Variants in HOMER2 observed in about 807,000 individuals in gnomAD.
The protein encoded by HOMER2 is homer scaffold protein 2.
HOMER2 carries 27 observed loss-of-function variants against 47.0 expected under a neutral mutation model. The ratio of observed to expected loss-of-function variants is 0.57; its 90% CI spans 0.42 to 0.79. The LOEUF (loss-of-function observed/expected upper bound fraction) is 0.79, where lower values mean the gene tolerates loss of function less well. HOMER2 is among the 30% of genes least tolerant of loss of function. HOMER2 has a pLI of 0.00. For synonymous variants in HOMER2, 161 were observed against 163.8 expected (o/e 0.98, Z 0.13); for missense variants, 443 against 435.0 (o/e 1.02, Z -0.16).
At chr15:82,842,745 G>A (rs1432391021) in exon 2 of HOMER2, 2 of 152,106 alleles carry the variant, frequency 1.3e-5, no homozygotes, top group Non-Finnish European at 2.9e-5. Context: ...AGAGTTCACA[G>A]CACACTCAAG....
intron 3 of HOMER2, among the ~76,000 whole-genome samples, chr15:82,870,027 G>A (rs545334101): frequency 6.6e-6 from 1 of 152,114 alleles, no homozygotes; most frequent in South Asian, 2.1e-4. Context: ...TCATTTTTTG[G>A]TACTTATTAA....
At chr15:82,952,056 T>C (rs2054517747) in intron 1 of HOMER2, 1 of 984,034 alleles carries the variant, frequency 1.0e-6, no homozygotes, top group Non-Finnish European at 1.2e-6. Context: ...TCAAAGCAGA[T>C]CCAAAGTCCA....
At position 82,854,732 on chromosome 15, in the gene HOMER2, G is replaced by A. The variant is rs769045337; in HGVS notation, c.563C>T (p.Thr188Ile). 6.2e-6 allele frequency: 10 copies of A among 1,612,624 alleles called. No individual in the cohort carries two copies. Among genetic ancestry groups the A allele is most frequent in the Non-Finnish European group, 8.5e-6 (10 of 1,179,884 alleles). ...ACTGGCTGCCGACTCCTGCAGTGCT[G>A]TGGTCAGCCGTGCATTGCTCTCCCG... ...TLRESNARLT[T>I]ALQESAASVE... is the part of the protein sequence containing the mutation. The change falls in exon 6 of 9, where the codon ACA becomes ATA. Residue 188 changes from threonine to isoleucine, a missense_variant. Physicochemically the swap from Thr to Ile is moderately conservative, Grantham distance 89 (BLOSUM62 -1). Coordinates refer to ENST00000450735, the MANE Select transcript of HOMER2 (RefSeq NM_004839.4).
At chr15:82,889,504 T>C (rs921762779) in intron 2 of HOMER2, among the ~76,000 whole-genome samples, 1 of 152,092 alleles carries the variant, frequency 6.6e-6, no homozygotes, top group African/African-American at 2.4e-5. Flanking sequence ...CAAGAGCCCA[T>C]AAGGAGAAGG....
chr15:82,861,974 G>C (rs1349946388), intron 4 of HOMER2, among the ~76,000 whole-genome samples: 1 of 152,178 alleles, frequency 6.6e-6, no homozygotes, highest in African/African-American at 2.4e-5. Context: ...AGTGAGCAGA[G>C]GTTGCAGCAA....
chr15:82,909,309 C>T (rs2053384662), intron 1 of HOMER2, among the ~76,000 whole-genome samples: 1 of 152,184 alleles, frequency 6.6e-6, no homozygotes, highest in South Asian at 2.1e-4. Context: ...GGCGAGAGCA[C>T]ACTCGACAAG....
chr15:82,850,566 T>C (rs1399032299), intron 8 of HOMER2, among the ~76,000 whole-genome samples: 1 of 152,242 alleles, frequency 6.6e-6, no homozygotes, highest in Non-Finnish European at 1.5e-5. Context: ...TAACTCTTCA[T>C]ATCAAATAAG....
At chr15:82,972,849 A>T (rs1202996989) in intron 1 of HOMER2, among the ~76,000 whole-genome samples, 1 of 152,212 alleles carries the variant, frequency 6.6e-6, no homozygotes, top group East Asian at 1.9e-4. Context: ...TGGAGGTAAA[A>T]GTTGTATCTG....
At chr15:82,974,290 G>A (rs1030385887) in intron 1 of HOMER2, among the ~76,000 whole-genome samples, 3 of 151,848 alleles carry the variant, frequency 2.0e-5, no homozygotes. Flanking sequence ...TGTAGTCCCA[G>A]CCACTCGGGA....
intron 1 of HOMER2, among the ~76,000 whole-genome samples, chr15:82,966,401 G>A (rs926476499): frequency 6.6e-6 from 1 of 152,106 alleles, no homozygotes; most frequent in African/African-American, 2.4e-5. Flanking sequence ...AATAAAAGGG[G>A]GGGAAAGAAA....
upstream of HOMER2, among the ~76,000 whole-genome samples, chr15:82,957,398 G>T (rs2151248286): frequency 6.6e-6 from 1 of 152,208 alleles, no homozygotes; most frequent in South Asian, 2.1e-4. Context: ...GGCTATAATG[G>T]TGGAACTAGG....
chr15:82,970,272 G>A (rs746196822), intron 1 of HOMER2, among the ~76,000 whole-genome samples: 2 of 152,214 alleles, frequency 1.3e-5, no homozygotes, highest in Non-Finnish European at 2.9e-5. Context: ...ATCTAGATCA[G>A]CAGATAATTT....
chr15:82,966,517 A>G (rs2054676769), intron 1 of HOMER2, among the ~76,000 whole-genome samples: 1 of 152,200 alleles, frequency 6.6e-6, no homozygotes, highest in Non-Finnish European at 1.5e-5. Context: ...AACCTAGGAT[A>G]CTAGTTTGGA....
intron 1 of HOMER2, among the ~76,000 whole-genome samples, chr15:82,924,879 C>A (rs2053819028): frequency 6.6e-6 from 1 of 152,210 alleles, no homozygotes; most frequent in African/African-American, 2.4e-5. Flanking sequence ...TGACAGTCAC[C>A]TAAGCCCAAC....
upstream of HOMER2, among the ~76,000 whole-genome samples, chr15:82,954,582 C>A (rs2151246093): frequency 6.6e-6 from 1 of 151,968 alleles, no homozygotes; most frequent in East Asian, 1.9e-4. Flanking sequence ...AGCCACCGTG[C>A]CTGGCCGAGT....
At chr15:82,958,413 G>C (rs1044725057) in exon 2 of HOMER2, 1 of 152,324 alleles carries the variant, frequency 6.6e-6, no homozygotes, top group Admixed American at 6.5e-5. Flanking sequence ...TCAACAGTGT[G>C]GTAGGAAGTG....
At chr15:82,974,738 C>T (rs552515436) in intron 1 of HOMER2, among the ~76,000 whole-genome samples, 30 of 152,098 alleles carry the variant, frequency 2.0e-4, no homozygotes, top group Non-Finnish European at 3.5e-4. Flanking sequence ...GAATTAGGAC[C>T]CACTGTGAGC....
chr15:82,879,832 C>T (rs73446957), intron 2 of HOMER2, among the ~76,000 whole-genome samples: 7,066 of 152,150 alleles, frequency 0.046, 525 homozygotes, highest in African/African-American at 0.16. Context: ...AGCATTTTAC[C>T]TACAGTAGAA....
intron 1 of HOMER2, among the ~76,000 whole-genome samples, chr15:82,914,183 AC>A (rs1449306405): frequency 4.7e-5 from 2 of 42,260 alleles, no homozygotes; most frequent in African/African-American, 1.5e-4. Flanking sequence ...AAAAATACAC[AC>A]ACACACACAC....
Sources: allele counts gnomAD v4.1 joint callset (sites outside exome capture counted in the v4.1 genomes callset), GRCh38; gene constraint gnomAD v4.1.1; transcripts MANE v1.5; gene names NCBI Gene and HGNC (gene_info 2026-07-23, HGNC 2026-07-21).